Variants in FOCAD observed in about 807,000 individuals in gnomAD.
The protein encoded by FOCAD is KIAA1797.
Under a neutral mutation model 225.6 loss-of-function variants are expected in FOCAD, and 198 were observed. That is an observed-to-expected ratio of 0.88 (90% CI 0.78 to 0.99). The LOEUF is 0.99. Among genes scored for constraint, FOCAD ranks in the 50% least tolerant of loss-of-function variants. The pLI, the probability that FOCAD is intolerant of heterozygous loss-of-function variation, is 0.00. For synonymous variants in FOCAD, 897 were observed against 755.0 expected, an observed-to-expected ratio of 1.19 and a Z score of -3.08; for missense variants, 2,713 against 2,123.6, an observed-to-expected ratio of 1.28 and a Z score of -5.46.
At chr9:20,991,166 T>G (rs1841635972) in intron 42 of FOCAD, among the ~76,000 whole-genome samples, 1 of 152,176 alleles carries the variant, frequency 6.6e-6, no homozygotes, top group East Asian at 1.9e-4. Context: ...TTTTTTGGTT[T>G]TTAATGTTGA....
At position 20,986,477 on chromosome 9, in the gene FOCAD, C is replaced by A; in HGVS notation, c.4906+12C>A. The A allele has an allele frequency of 6.3e-7, 1 of 1,580,152 alleles. No homozygotes were observed. ...CCATGCCAATACGGGTGAGGACACC[C>A]TGGGGTGAACATCAGAAACAGGAAT... On this transcript the variant is annotated intron_variant, in intron 40 of 43. Transcript: ENST00000338382.
chr9:20,846,231 A>G (rs945410236), intron 15 of FOCAD, among the ~76,000 whole-genome samples: 2 of 152,068 alleles, frequency 1.3e-5, no homozygotes, highest in Non-Finnish European at 2.9e-5. Flanking sequence ...ACTGTGGAGA[A>G]ATGTGTACTC....
Position 20,960,784 on chromosome 9 carries a change from T to C in FOCAD, c.4132+7719T>C, listed in dbSNP as rs148914957. On this transcript the variant is annotated intron_variant, in intron 35 of 43. Transcript: ENST00000338382. ...GGTGTGTGATGTTCCCCTTCCTGTG[T>C]CCAATGTGTCCAAGTGTTCTCATTA... Among the ~76,000 whole-genome samples, 7 of 144,652 alleles carry C rather than the reference T, an allele frequency of 4.8e-5. No individual in the cohort carries two copies. In the East Asian group the frequency reaches 1.6e-3, roughly 32 times the overall value. 94.9% of individuals were successfully genotyped at this position (144,652 alleles called of 152,430 possible).
chr9:20,814,201 A>T (rs1006417147), intron 11 of FOCAD, among the ~76,000 whole-genome samples: 1 of 152,148 alleles, frequency 6.6e-6, no homozygotes, highest in Non-Finnish European at 1.5e-5. Flanking sequence ...ACTTAGTGGT[A>T]GGAAAGGACT....
chr9:20,769,887 A>G, intron 7 of FOCAD, 145 bp from the exon 8 acceptor site: 1 of 672,226 alleles, frequency 1.5e-6, no homozygotes, highest in African/African-American at 1.8e-5. Context: ...TTAATCCTTC[A>G]TGGAGTTCTG....
intron 28 of FOCAD, among the ~76,000 whole-genome samples, chr9:20,935,094 A>G (rs1285895318): frequency 6.6e-6 from 1 of 152,198 alleles, no homozygotes; most frequent in Non-Finnish European, 1.5e-5. Flanking sequence ...TACTACCATC[A>G]TTCTACACAG....
chr9:20,992,848 C>T (rs1000152508), intron 42 of FOCAD, among the ~76,000 whole-genome samples: 3 of 151,908 alleles, frequency 2.0e-5, no homozygotes, highest in Non-Finnish European at 4.4e-5. Context: ...CTATAGTCCC[C>T]GCTGCTCTGG....
rs74316164 is a variant in FOCAD, at chr9:20,753,901, C to G, written c.393-4189C>G. On this transcript the variant is annotated intron_variant, in intron 5 of 43. Coordinates refer to ENST00000338382, the MANE Select transcript of FOCAD (RefSeq NM_001375567.1). ...TTATTTACAAGTGATCGGGCTGATT[C>G]ATCAGCCCATCTATCCTTTTGAATA... Among the ~76,000 whole-genome samples, 292 of 152,270 alleles carry G rather than the reference C, an allele frequency of 1.9e-3. 4 individuals are homozygous for G. The East Asian group carries it at 0.043, about 22-fold the overall frequency.
intron 26 of FOCAD, among the ~76,000 whole-genome samples, 159 bp downstream of exon 26, chr9:20,926,576 G>T (rs1364619119): frequency 6.6e-6 from 1 of 152,148 alleles, no homozygotes; most frequent in Non-Finnish European, 1.5e-5. Flanking sequence ...CTGAGGTTGG[G>T]AGTTCGAGAC....
rs928181390 is a variant in FOCAD at position 20,874,579 on chromosome 9, C to G, written c.2191-102C>G. ...CTTTTATGTTATAGAGTGATGGAGT[C>G]TAACAAAATTTTAAAATCTTGTCAC... On this transcript the variant is annotated intron_variant, in intron 18 of 43. Transcript: ENST00000338382. 3 of 1,260,490 alleles carry G rather than the reference C, an allele frequency of 2.4e-6. No individual in the cohort carries two copies. In the African/African-American group the frequency reaches 4.5e-5, roughly 19 times the overall value. The allele number at this position is 1,260,490 out of a possible 1,614,324, so 78.1% of individuals were successfully genotyped here.
At chr9:20,888,241 CGATT>C (rs1831294111) in intron 21 of FOCAD, among the ~76,000 whole-genome samples, 1 of 149,494 alleles carries the variant, frequency 6.7e-6, no homozygotes, top group African/African-American at 2.5e-5. Context: ...TGGGCTCAAG[CGATT>C]CTCCCACCTC....
At position 20,820,827 on chromosome 9, in the gene FOCAD, T is replaced by C. The variant is rs543788081; in HGVS notation, c.1663-114T>C. 4.7e-5 allele frequency: 53 copies of C among 1,134,752 alleles called. 1 individual carries two copies. The South Asian group carries it at 7.0e-4, about 15-fold the overall frequency. 70.3% of individuals were successfully genotyped at this position (1,134,752 alleles called of 1,614,324 possible). On this transcript the variant is annotated intron_variant, in intron 13 of 43. Transcript: ENST00000338382. ...TCTCTGCTGATTAGAAGAACGACAGTATAATTTGCAATGCAAATGGAGGAT... is the reference window on the plus strand; with the variant it reads ...TCTCTGCTGATTAGAAGAACGACAGCATAATTTGCAATGCAAATGGAGGAT...
chr9:20,957,388 A>G (rs908459330), intron 35 of FOCAD: 1 of 150,728 alleles, frequency 6.6e-6, no homozygotes, highest in Non-Finnish European at 1.5e-5. Flanking sequence ...ACTATAGAAT[A>G]TTTCATCAAA....
rs781656797 is a variant in FOCAD, at chr9:20,929,410, C to G, written c.3131C>G (p.Ala1044Gly). The G allele has an allele frequency of 1.2e-6, 2 of 1,614,090 alleles. No homozygotes were observed. Among genetic ancestry groups the G allele is most frequent in the African/African-American group, 1.3e-5 (1 of 75,016 alleles). Residue 1044 changes from alanine to glycine, a missense_variant, in exon 27 of 44, where the codon GCC becomes GGC. Physicochemically the swap from Ala to Gly is moderately conservative, Grantham distance 60. Transcript: ENST00000338382. Reference sequence around the variant, plus strand: ...AGTGCCATTGCCCGTTCTGCTGCCGCCACGGCTTTGTCTCTCCTTGTGCCA... The same window carrying G: ...AGTGCCATTGCCCGTTCTGCTGCCGGCACGGCTTTGTCTCTCCTTGTGCCA... The part of the protein sequence containing the change: ...TASAIARSAA[A>G]TALSLLVPVF...
intron 35 of FOCAD, among the ~76,000 whole-genome samples, chr9:20,959,463 A>C (rs1007001604): frequency 2.0e-5 from 3 of 152,154 alleles, no homozygotes; most frequent in South Asian, 2.1e-4. Flanking sequence ...ATAATATGCA[A>C]ATATTTTCTC....
chr9:20,962,929 G>A (rs1391690528), intron 35 of FOCAD, among the ~76,000 whole-genome samples: 1 of 152,160 alleles, frequency 6.6e-6, no homozygotes, highest in Non-Finnish European at 1.5e-5. Context: ...TTTAGATGTG[G>A]ATTCTTTTAT....
intron 4 of FOCAD, among the ~76,000 whole-genome samples, chr9:20,725,977 G>GA (rs1290776939): frequency 6.6e-6 from 1 of 151,350 alleles, no homozygotes; most frequent in Non-Finnish European, 1.5e-5. Flanking sequence ...AAGGAAATTT[G>GA]AAAAAAAATT....
intron 2 of FOCAD, among the ~76,000 whole-genome samples, chr9:20,661,249 T>C (rs1485441050): frequency 5.3e-5 from 8 of 152,128 alleles, no homozygotes; most frequent in Non-Finnish European, 8.8e-5. Flanking sequence ...GTAAAAGGAC[T>C]GAGAAGTAGC....
intron 11 of FOCAD, among the ~76,000 whole-genome samples, chr9:20,795,496 A>G (rs1820961168): frequency 6.6e-6 from 1 of 152,154 alleles, no homozygotes; most frequent in African/African-American, 2.4e-5. Flanking sequence ...AAGACACAGC[A>G]TGTTTTGGGC....
Sources: allele counts gnomAD v4.1 joint callset (sites outside exome capture counted in the v4.1 genomes callset), GRCh38; gene constraint gnomAD v4.1.1; transcripts MANE v1.5; gene names NCBI Gene and HGNC (gene_info 2026-07-23, HGNC 2026-07-21).